Variants in GLIS1 observed in about 807,000 individuals in gnomAD.
GLIS1 encodes the protein GLIS family zinc finger 1.
In GLIS1, 24 loss-of-function variants were observed where a neutral mutation model predicts 63.8. That is an observed-to-expected ratio of 0.38 (90% CI 0.27 to 0.53). The LOEUF is 0.53. Among genes scored for constraint, GLIS1 ranks in the 20% least tolerant of loss-of-function variants. GLIS1 has a pLI of 0.85. For synonymous variants in GLIS1, 450 were observed against 482.5 expected, an observed-to-expected ratio of 0.93 and a Z score of 0.88; for missense variants, 1,036 against 1,074.1, an observed-to-expected ratio of 0.96 and a Z score of 0.50.
intron 2 of GLIS1, chr1:53,733,768 T>G (rs990441057): frequency 3.6e-6 from 1 of 278,190 alleles, no homozygotes; most frequent in African/African-American, 2.3e-5. Context: ...CTCCCCCTTA[T>G]TTGAAACTTC....
At chr1:53,692,771 C>T (rs1288912444) in intron 2 of GLIS1, among the ~76,000 whole-genome samples, 6 of 152,224 alleles carry the variant, frequency 3.9e-5, no homozygotes, top group East Asian at 1.9e-4. Context: ...CATCCTAGCT[C>T]GGGCCTGCTT....
chr1:53,620,529 A>G (rs1441390771), intron 2 of GLIS1, among the ~76,000 whole-genome samples: 4 of 152,176 alleles, frequency 2.6e-5, no homozygotes, highest in African/African-American at 7.2e-5. Context: ...AGTGTTTGGT[A>G]CTAGTCAACA....
intron 2 of GLIS1, among the ~76,000 whole-genome samples, chr1:53,669,207 T>TC (rs1203179860): frequency 6.6e-6 from 1 of 151,822 alleles, no homozygotes; most frequent in African/African-American, 2.4e-5. Flanking sequence ...GGGCTCATCC[T>TC]CCCCCCACCT....
intron 4 of GLIS1, 131 bp downstream of exon 4, chr1:53,593,977 T>C: frequency 1.8e-6 from 2 of 1,117,896 alleles, no homozygotes. Flanking sequence ...CATGGGTCCT[T>C]TCCTCCTCAA....
At chr1:53,521,555 T>G (rs1348271604) in intron 6 of GLIS1, among the ~76,000 whole-genome samples, 2 of 151,722 alleles carry the variant, frequency 1.3e-5, no homozygotes, top group East Asian at 3.9e-4. Context: ...CCATGAGGAG[T>G]AATGACACAG....
chr1:53,614,596 C>T lies in GLIS1; in HGVS notation c.260-14318G>A, dbSNP rs148978044. ...ACAACCAGACTCGACAGGTGGGAAA[C>T]GCTCTCTGAGTTTTGTGTTGAAAAA... On this transcript the variant is annotated intron_variant, in intron 2 of 10. Coordinates refer to ENST00000628545, the MANE Select transcript of GLIS1 (RefSeq NM_001367484.1). 4.2e-3 allele frequency among the ~76,000 whole-genome samples: 633 copies of T among 152,270 alleles called. 2 individuals are homozygous for T. The highest frequency in any genetic ancestry group is 6.3e-3 in the Non-Finnish European group (430 of 68,014).
At chr1:53,620,257 G>A (rs143618541) in intron 2 of GLIS1, among the ~76,000 whole-genome samples, 5 of 152,334 alleles carry the variant, frequency 3.3e-5, no homozygotes, top group African/African-American at 1.2e-4. Flanking sequence ...GGTTAGGGCT[G>A]ACCTGTACTT....
chr1:53,520,442 A>G (rs565190106), intron 7 of GLIS1, among the ~76,000 whole-genome samples, 192 bp downstream of exon 7: 2 of 152,376 alleles, frequency 1.3e-5, no homozygotes, highest in East Asian at 3.9e-4. Flanking sequence ...CCACCTAGTT[A>G]GACGAGCTGC....
intron 2 of GLIS1, among the ~76,000 whole-genome samples, chr1:53,641,390 T>A (rs1487727417): frequency 6.6e-6 from 1 of 152,062 alleles, no homozygotes; most frequent in Non-Finnish European, 1.5e-5. Context: ...TTTCCTACAG[T>A]GACATCCCAG....
intron 2 of GLIS1, among the ~76,000 whole-genome samples, chr1:53,723,637 A>G (rs1646778408): frequency 6.6e-6 from 1 of 152,220 alleles, no homozygotes; most frequent in African/African-American, 2.4e-5. Flanking sequence ...GAAATCTACC[A>G]AAATGTAAAT....
At chr1:53,709,199 C>T (rs547613614) in intron 2 of GLIS1, among the ~76,000 whole-genome samples, 16 of 151,996 alleles carry the variant, frequency 1.1e-4, no homozygotes, top group Non-Finnish European at 2.4e-4. Context: ...ACTTTAAAAT[C>T]AAGTCCAAGT....
At chr1:53,531,800 C>G (rs1157964829) in intron 4 of GLIS1, among the ~76,000 whole-genome samples, 1 of 152,204 alleles carries the variant, frequency 6.6e-6, no homozygotes, top group Admixed American at 6.5e-5. Context: ...CGAGCTTAGA[C>G]AGACATGTAG....
intron 2 of GLIS1, among the ~76,000 whole-genome samples, chr1:53,721,671 A>C (rs1646756852): frequency 6.6e-6 from 1 of 152,150 alleles, no homozygotes; most frequent in South Asian, 2.1e-4. Context: ...GATTTTAAAA[A>C]CTATGTTTGG....
chr1:53,581,036 C>T (rs541307866), intron 4 of GLIS1, among the ~76,000 whole-genome samples: 84 of 151,492 alleles, frequency 5.5e-4, no homozygotes, highest in Middle Eastern at 3.5e-3. Context: ...TGGATAAGAA[C>T]GCCTCTCTGG....
rs540405427 is a variant in GLIS1 at position 53,512,696 on chromosome 1, G to A, written c.1883+1929C>T. ...TACCCGCAGGCAGGGGTGGGCAGGC[G>A]GGGGTCCCGTCTTGTCATCACTCTG... On this transcript the variant is annotated intron_variant, in intron 8 of 10. Coordinates refer to ENST00000628545, the MANE Select transcript of GLIS1 (RefSeq NM_001367484.1). Among the ~76,000 whole-genome samples the A allele has an allele frequency of 4.6e-5, 7 of 152,278 alleles. No individual in the cohort carries two copies. The South Asian group carries it at 1.0e-3, about 23-fold the overall frequency.
At chr1:53,556,566 G>GTA (rs1644831668) in intron 4 of GLIS1, among the ~76,000 whole-genome samples, 1 of 55,630 alleles carries the variant, frequency 1.8e-5, no homozygotes, top group African/African-American at 1.7e-4. Context: ...TGTACTGCAG[G>GTA]GGTGTGTGTA....
At position 53,703,474 on chromosome 1, in the gene GLIS1, A is replaced by G. The variant is rs114641321; in HGVS notation, c.259+34332T>C. Among the ~76,000 whole-genome samples, 1,428 of 152,140 alleles carry G rather than the reference A, an allele frequency of 9.4e-3. 6 individuals carry two copies. The highest frequency in any genetic ancestry group is 0.025 in the South Asian group (122 of 4,824). On this transcript the variant is annotated intron_variant, in intron 2 of 10. Transcript: ENST00000628545. ...CAATATAGCAAGACCCCATCTCTAA[A>G]AAAAATAAATAAAAATTACCCAGGC...
intron 2 of GLIS1, among the ~76,000 whole-genome samples, chr1:53,725,611 C>T (rs1473029017): frequency 1.3e-5 from 2 of 152,170 alleles, no homozygotes; most frequent in Non-Finnish European, 2.9e-5. Context: ...CTGCGAGCTC[C>T]GAGGAGGCAA....
intron 2 of GLIS1, among the ~76,000 whole-genome samples, chr1:53,637,604 C>T (rs1474635554): frequency 6.6e-6 from 1 of 152,138 alleles, no homozygotes; most frequent in Non-Finnish European, 1.5e-5. Flanking sequence ...AGTACACATA[C>T]GGCTGATTTG....
Sources: gnomAD v4.1 joint callset for allele counts (sites outside exome capture counted in the v4.1 genomes callset) on GRCh38, gnomAD v4.1.1 for gene constraint, MANE v1.5 for transcripts, NCBI Gene and HGNC (gene_info 2026-07-23, HGNC 2026-07-21) for gene names.